Variants in SLIT2 observed in about 807,000 individuals in gnomAD.
The protein encoded by SLIT2 is slit homolog 2 protein.
In SLIT2, 41 loss-of-function variants were observed where a neutral mutation model predicts 185.7. The ratio of observed to expected loss-of-function variants is 0.22; its 90% CI spans 0.17 to 0.29. SLIT2 has a LOEUF of 0.29. SLIT2 is among the 10% of genes least tolerant of loss of function. The pLI is 1.00. For synonymous variants in SLIT2, 693 were observed against 680.2 expected, an observed-to-expected ratio of 1.02 and a Z score of -0.29; for missense variants, 1,571 against 1,909.0, an observed-to-expected ratio of 0.82 and a Z score of 3.30.
chr4:20,594,180 CATGTGTGTATATACATATGTATGT>C (rs2148955161), intron 30 of SLIT2, among the ~76,000 whole-genome samples: 1 of 146,294 alleles, frequency 6.8e-6, no homozygotes, highest in South Asian at 2.1e-4. Context: ...TATGTATGTA[CATGTGTGTATATACATATGTATGT>C]ATGTGTGTAT....
At chr4:20,326,426 C>A (rs1343405783) in intron 4 of SLIT2, among the ~76,000 whole-genome samples, 1 of 152,008 alleles carries the variant, frequency 6.6e-6, no homozygotes, top group African/African-American at 2.4e-5. Flanking sequence ...TCCATAGGCC[C>A]TAAATTTTCT....
At chr4:20,321,056 G>A (rs1719034946) in intron 4 of SLIT2, among the ~76,000 whole-genome samples, 1 of 152,154 alleles carries the variant, frequency 6.6e-6, no homozygotes, top group Non-Finnish European at 1.5e-5. Flanking sequence ...TTGAAAGGGA[G>A]GCGGAGGTTG....
chr4:20,309,768 T>A (rs1040791323), intron 4 of SLIT2, among the ~76,000 whole-genome samples: 4 of 146,724 alleles, frequency 2.7e-5, no homozygotes, highest in African/African-American at 1.0e-4. Context: ...CTTTTTTTTT[T>A]TTTTTTTTTG....
At chr4:20,523,005 T>C (rs531562602) in intron 12 of SLIT2, among the ~76,000 whole-genome samples, 23 of 151,982 alleles carry the variant, frequency 1.5e-4, no homozygotes, top group African/African-American at 5.3e-4. Flanking sequence ...GTAAAAGGAA[T>C]TGAGAGTGCT....
At chr4:20,603,330 G>A (rs1431736090) in intron 33 of SLIT2, among the ~76,000 whole-genome samples, 1 of 152,056 alleles carries the variant, frequency 6.6e-6, no homozygotes, top group African/African-American at 2.4e-5. Context: ...CCATAACACG[G>A]GGAATTATGG....
At chr4:20,598,136 G>A (rs1728125591) in intron 32 of SLIT2, 129 bp from the exon 33 acceptor site, 4 of 765,298 alleles carry the variant, frequency 5.2e-6, no homozygotes, top group Admixed American at 2.9e-5. Flanking sequence ...TTTCAGCATC[G>A]TTTTCTCATA....
At chr4:20,404,193 A>C (rs1726583853) in intron 4 of SLIT2, among the ~76,000 whole-genome samples, 1 of 151,960 alleles carries the variant, frequency 6.6e-6, no homozygotes, top group South Asian at 2.1e-4. Flanking sequence ...TTTTTTAAGA[A>C]GCTATTACTA....
chr4:20,576,978 G>GTTT (rs35122445), intron 29 of SLIT2, among the ~76,000 whole-genome samples: 1 of 146,344 alleles, frequency 6.8e-6, no homozygotes, highest in Non-Finnish European at 1.5e-5. Flanking sequence ...GGAGAGGTAA[G>GTTT]TTTTTTTTTT....
Position 20,348,544 on chromosome 4 carries a change from C to T in SLIT2, c.395+79663C>T, listed in dbSNP as rs576603203. Reference sequence around the variant, plus strand: ...GATTACAGACGTGAGCCACTGCACCCGGCCTGACTCACATTTTTAGCAAGC... The same window carrying T: ...GATTACAGACGTGAGCCACTGCACCTGGCCTGACTCACATTTTTAGCAAGC... On this transcript the variant is annotated intron_variant, in intron 4 of 36. Coordinates refer to ENST00000504154, the MANE Select transcript of SLIT2 (RefSeq NM_004787.4). 7.2e-5 allele frequency among the ~76,000 whole-genome samples: 11 copies of T among 152,176 alleles called. No homozygotes were observed. In the East Asian group the frequency reaches 1.5e-3, roughly 21 times the overall value.
At position 20,262,219 on chromosome 4, in the gene SLIT2, AT is replaced by A. The variant is rs145061334; in HGVS notation, c.323+4288del. Among the ~76,000 whole-genome samples the A allele has an allele frequency of 3.3e-3, 494 of 151,778 alleles. 3 individuals are homozygous for A. Among genetic ancestry groups the A allele is most frequent in the African/African-American group, 0.011 (462 of 41,446 alleles). ...GAGATGGTATGTAAAAGACAAATTT[AT>A]TTTTTTTAAGGTGATGCTGAATTAG... On this transcript the variant is annotated intron_variant, in intron 3 of 36. Transcript: ENST00000504154.
chr4:20,531,783 C>T (rs1291209491), intron 16 of SLIT2, among the ~76,000 whole-genome samples: 1 of 150,192 alleles, frequency 6.7e-6, no homozygotes, highest in African/African-American at 2.4e-5. Flanking sequence ...TGTGTGCTTC[C>T]TAACATTTTA....
Position 20,612,688 on chromosome 4 carries a change from C to T in SLIT2, c.3847+2521C>T, listed in dbSNP as rs1193618806. Among the ~76,000 whole-genome samples the T allele has an allele frequency of 2.6e-5, 4 of 152,030 alleles. No individual in the cohort carries two copies. In the East Asian group the frequency reaches 7.7e-4, roughly 29 times the overall value. On this transcript the variant is annotated intron_variant, in intron 34 of 36. Transcript: ENST00000504154. ...ATCCCAGCACTTTGGGAGGCCAAGGCGGGTGGATCACGAGGTCAGGAGATT... is the reference window on the plus strand; with the variant it reads ...ATCCCAGCACTTTGGGAGGCCAAGGTGGGTGGATCACGAGGTCAGGAGATT...
intron 4 of SLIT2, among the ~76,000 whole-genome samples, chr4:20,390,982 T>G (rs1725371178): frequency 1.3e-5 from 2 of 152,032 alleles, no homozygotes; most frequent in Admixed American, 6.6e-5. Flanking sequence ...TTACATAATT[T>G]TTTCCAGAAT....
chr4:20,386,324 A>G (rs1340364590), intron 4 of SLIT2, among the ~76,000 whole-genome samples: 1 of 152,194 alleles, frequency 6.6e-6, no homozygotes, highest in East Asian at 1.9e-4. Flanking sequence ...TTACAATACA[A>G]TGTTTATGGC....
At chr4:20,564,564 T>C (rs1398518756) in intron 26 of SLIT2, among the ~76,000 whole-genome samples, 1 of 151,930 alleles carries the variant, frequency 6.6e-6, no homozygotes, top group Non-Finnish European at 1.5e-5. Flanking sequence ...GAAATGATTG[T>C]TGAATAACTG....
chr4:20,573,815 G>A (rs376614491), intron 29 of SLIT2, among the ~76,000 whole-genome samples: 2 of 151,938 alleles, frequency 1.3e-5, no homozygotes, highest in South Asian at 2.1e-4. Context: ...TTGTGTTATA[G>A]GATACCGTGA....
chr4:20,602,182 C>T (rs1399133928), intron 33 of SLIT2, among the ~76,000 whole-genome samples: 1 of 152,076 alleles, frequency 6.6e-6, no homozygotes, highest in African/African-American at 2.4e-5. Context: ...TGCTGCCCTT[C>T]AAAAAGACTT....
intron 4 of SLIT2, among the ~76,000 whole-genome samples, chr4:20,293,237 A>T (rs1385205051): frequency 6.6e-6 from 1 of 152,204 alleles, no homozygotes; most frequent in Non-Finnish European, 1.5e-5. Flanking sequence ...ACTTTATTTG[A>T]TAGGCAGGGG....
intron 29 of SLIT2, among the ~76,000 whole-genome samples, chr4:20,578,593 A>G (rs1726263744): frequency 6.6e-6 from 1 of 152,208 alleles, no homozygotes; most frequent in Non-Finnish European, 1.5e-5. Flanking sequence ...TCTTTCGTAC[A>G]TCTATGATAT....
Sources: allele counts gnomAD v4.1 joint callset (sites outside exome capture counted in the v4.1 genomes callset), GRCh38; gene constraint gnomAD v4.1.1; transcripts MANE v1.5; gene names NCBI Gene and HGNC (gene_info 2026-07-23, HGNC 2026-07-21).